Variants in CNTNAP5 observed in about 807,000 individuals in gnomAD.
CNTNAP5 encodes contactin associated protein family member 5, also known as contactin-associated protein-like 5.
Under a neutral mutation model 150.2 loss-of-function variants are expected in CNTNAP5, and 72 were observed. That is an observed-to-expected ratio of 0.48 (90% confidence interval 0.40 to 0.58). The LOEUF is 0.58. Among genes scored for constraint, CNTNAP5 ranks in the 20% least tolerant of loss-of-function variants. The probability of loss-of-function intolerance (pLI) is 0.00; values close to 1 mark genes in which losing one functional copy is unlikely to be tolerated. For missense variants in CNTNAP5, 1,636 were observed against 1,626.2 expected (o/e 1.01, Z -0.10); for synonymous variants, 672 against 619.8 (o/e 1.08, Z -1.25).
intron 3 of CNTNAP5, among the ~76,000 whole-genome samples, chr2:124,378,486 TA>T (rs1416648406): frequency 1.6e-4 from 24 of 152,268 alleles, no homozygotes; most frequent in Non-Finnish European, 2.9e-5. Flanking sequence ...AAACAGTACA[TA>T]TTTTTTAAAA....
chr2:124,623,927 G>A (rs1284172771), intron 12 of CNTNAP5, among the ~76,000 whole-genome samples: 2 of 152,236 alleles, frequency 1.3e-5, no homozygotes, highest in Non-Finnish European at 2.9e-5. Flanking sequence ...TTTTCCAGAG[G>A]ACTATTTTAG....
chr2:124,349,571 T>C (rs757658510), intron 3 of CNTNAP5, among the ~76,000 whole-genome samples: 11 of 152,210 alleles, frequency 7.2e-5, no homozygotes, highest in Non-Finnish European at 1.5e-4. Context: ...GTAAAAGCAC[T>C]AACTCTTTGT....
intron 17 of CNTNAP5, among the ~76,000 whole-genome samples, chr2:124,786,209 G>A (rs1000017915): frequency 1.5e-4 from 23 of 151,386 alleles, no homozygotes; most frequent in South Asian, 1.0e-3. Context: ...GCTGCAGTGC[G>A]CTATGATCAC....
chr2:124,291,311 T>G (rs1157190759), intron 3 of CNTNAP5, among the ~76,000 whole-genome samples: 1 of 152,100 alleles, frequency 6.6e-6, no homozygotes, highest in Admixed American at 6.6e-5. Flanking sequence ...ATCAATATTT[T>G]CACTGATATA....
intron 3 of CNTNAP5, among the ~76,000 whole-genome samples, chr2:124,391,330 T>A (rs1018010905): frequency 1.3e-5 from 2 of 152,308 alleles, no homozygotes; most frequent in African/African-American, 4.8e-5. Flanking sequence ...AATTAGAATA[T>A]AAAATTTAGA....
At chr2:124,708,252 A>G (rs1332510372) in intron 13 of CNTNAP5, among the ~76,000 whole-genome samples, 1 of 152,196 alleles carries the variant, frequency 6.6e-6, no homozygotes, top group Non-Finnish European at 1.5e-5. Context: ...ATCCACAGGC[A>G]AAATGAAGGC....
At chr2:124,392,687 C>CAAAAAAAAAAAAA (rs35107442) in intron 3 of CNTNAP5, among the ~76,000 whole-genome samples, 1 of 68,784 alleles carries the variant, frequency 1.5e-5, no homozygotes, top group Non-Finnish European at 2.7e-5. Flanking sequence ...TTTTCTTTGC[C>CAAAAAAAAAAAAA]AAAAAAAAAA....
At chr2:124,260,391 T>G (rs1480596857) in intron 3 of CNTNAP5, among the ~76,000 whole-genome samples, 1 of 152,200 alleles carries the variant, frequency 6.6e-6, no homozygotes, top group African/African-American at 2.4e-5. Flanking sequence ...GACTTAAATG[T>G]TAGACCTAAA....
intron 3 of CNTNAP5, among the ~76,000 whole-genome samples, chr2:124,407,106 G>T (rs1283279999): frequency 1.3e-5 from 2 of 152,088 alleles, no homozygotes; most frequent in Non-Finnish European, 2.9e-5. Flanking sequence ...GACACGCATT[G>T]TTTCTATATC....
chr2:124,557,107 A>G (rs937237468), intron 10 of CNTNAP5, among the ~76,000 whole-genome samples: 1 of 152,100 alleles, frequency 6.6e-6, no homozygotes, highest in Admixed American at 6.5e-5. Flanking sequence ...CTTAAGCAAT[A>G]AAGTTGTTAG....
At chr2:124,352,669 T>C (rs1689901013) in intron 3 of CNTNAP5, among the ~76,000 whole-genome samples, 1 of 152,214 alleles carries the variant, frequency 6.6e-6, no homozygotes, top group African/African-American at 2.4e-5. Flanking sequence ...GCCTCATTTT[T>C]TTTAGCATCT....
In CNTNAP5 at chr2:124,903,095, C is replaced by T; in HGVS notation, c.3650C>T (p.Ser1217Leu). 1.3e-6 allele frequency: 2 copies of T among 1,558,374 alleles called. No individual in the cohort carries two copies. The highest frequency in any genetic ancestry group is 1.7e-6 in the Non-Finnish European group (2 of 1,147,076). ...DVNAVTTVHSSSDPFGKTDER... is the reference protein window; with the variant it reads ...DVNAVTTVHSLSDPFGKTDER... Reference sequence around the variant, plus strand: ...AATGCAGTGACCACGGTGCATTCTTCATCAGGTACACTCAAGAGCATGCAC... The same window carrying T: ...AATGCAGTGACCACGGTGCATTCTTTATCAGGTACACTCAAGAGCATGCAC... The change falls in exon 22 of 24, where the codon TCA (serine) becomes TTA (leucine). Residue 1217 changes from serine (S) to leucine (L), a missense_variant. Physicochemically the swap from Ser to Leu is moderately radical, Grantham distance 145. Transcript: ENST00000682447.
chr2:124,661,446 T>G (rs1208367852), intron 13 of CNTNAP5, among the ~76,000 whole-genome samples: 1 of 152,158 alleles, frequency 6.6e-6, no homozygotes, highest in Non-Finnish European at 1.5e-5. Context: ...GTCTTCTATC[T>G]CCACATCTTG....
chr2:124,123,951 G>A (rs757065091), intron 1 of CNTNAP5, among the ~76,000 whole-genome samples: 2 of 152,180 alleles, frequency 1.3e-5, no homozygotes, highest in Non-Finnish European at 2.9e-5. Flanking sequence ...CAAAGATGGA[G>A]AGAAACCAGA....
At chr2:124,397,673 C>T (rs754881621) in intron 3 of CNTNAP5, among the ~76,000 whole-genome samples, 8 of 152,130 alleles carry the variant, frequency 5.3e-5, no homozygotes, top group African/African-American at 1.2e-4. Flanking sequence ...TCTTTTCCCA[C>T]GGTATTGTTA....
intron 10 of CNTNAP5, among the ~76,000 whole-genome samples, chr2:124,557,330 A>T (rs1201871147): frequency 5.7e-5 from 3 of 53,018 alleles, no homozygotes; most frequent in Non-Finnish European, 1.1e-4. Flanking sequence ...TCACCTCTTA[A>T]AAAAAAAACA....
intron 7 of CNTNAP5, among the ~76,000 whole-genome samples, chr2:124,484,899 T>G (rs1693837080): frequency 6.6e-6 from 1 of 152,184 alleles, no homozygotes; most frequent in Non-Finnish European, 1.5e-5. Context: ...CAAGGAAACA[T>G]TTATATGTAA....
chr2:124,040,483 G>A (rs1458320046), intron 1 of CNTNAP5, among the ~76,000 whole-genome samples: 2 of 151,964 alleles, frequency 1.3e-5, no homozygotes, highest in Non-Finnish European at 2.9e-5. Context: ...GTATTGATTC[G>A]TCGTTTTCAG....
At chr2:124,304,606 A>C (rs901711755) in intron 3 of CNTNAP5, among the ~76,000 whole-genome samples, 6 of 152,176 alleles carry the variant, frequency 3.9e-5, no homozygotes, top group African/African-American at 1.4e-4. Context: ...CTTTAAAAAA[A>C]TAACATTCTG....
Sources: allele counts gnomAD v4.1 joint callset (sites outside exome capture counted in the v4.1 genomes callset), GRCh38; gene constraint gnomAD v4.1.1; transcripts MANE v1.5; gene names NCBI Gene and HGNC (gene_info 2026-07-23, HGNC 2026-07-21).